PKNOX2: variants seen among roughly 807,000 people sequenced by gnomAD.
The protein encoded by PKNOX2 is homeobox protein PKNOX2.
In PKNOX2, 14 loss-of-function variants were observed where a neutral mutation model predicts 53.1. That is an observed-to-expected ratio of 0.26 (90% CI 0.17 to 0.41). The LOEUF (loss-of-function observed/expected upper bound fraction) is 0.41. Ranked by LOEUF, PKNOX2 falls within the 10% of genes least tolerant of loss-of-function variation. PKNOX2 has a pLI of 1.00. For synonymous variants in PKNOX2, 257 were observed against 242.8 expected (o/e 1.06, Z -0.54); for missense variants, 496 against 602.8 (o/e 0.82, Z 1.85).
intron 2 of PKNOX2, among the ~76,000 whole-genome samples, chr11:125,286,960 A>G (rs1946945668): frequency 6.6e-6 from 1 of 152,182 alleles, no homozygotes; most frequent in South Asian, 2.1e-4. Context: ...CCTTTCACCC[A>G]GGAAAACATG....
intron 2 of PKNOX2, among the ~76,000 whole-genome samples, chr11:125,286,180 GA>G (rs1020710942): frequency 6.6e-6 from 1 of 152,034 alleles, no homozygotes. Flanking sequence ...AAAGGAATGG[GA>G]AAAAAACAGA....
rs1205848129 is a variant in PKNOX2 at position 125,202,061 on chromosome 11, G to T, written c.-200-32984G>T. ...CTTAAAGAAAACACAGAGGGTCCGT[G>T]CGGCTGGGACTCCCAACAAGACGGC... On this transcript the variant is annotated intron_variant, in intron 1 of 12. Transcript: ENST00000298282. 3.3e-5 allele frequency among the ~76,000 whole-genome samples: 5 copies of T among 152,216 alleles called. No homozygotes were observed. The East Asian group carries it at 5.8e-4, about 18-fold the overall frequency.
intron 10 of PKNOX2, among the ~76,000 whole-genome samples, chr11:125,424,538 T>C (rs1334142221): frequency 1.3e-5 from 2 of 152,000 alleles, no homozygotes; most frequent in Non-Finnish European, 2.9e-5. Context: ...GCCCCACAGC[T>C]GTCAAGAGGG....
intron 2 of PKNOX2, among the ~76,000 whole-genome samples, chr11:125,279,913 G>T (rs1463569118): frequency 1.3e-5 from 2 of 152,066 alleles, no homozygotes; most frequent in African/African-American, 2.4e-5. Context: ...CTTCTGAAAA[G>T]GTCACCTGCA....
At chr11:125,313,142 G>A (rs1413251622) in intron 2 of PKNOX2, among the ~76,000 whole-genome samples, 3 of 152,132 alleles carry the variant, frequency 2.0e-5, no homozygotes, top group Non-Finnish European at 4.4e-5. Flanking sequence ...AAAGTAGAAG[G>A]TGAAAGAAGG....
chr11:125,295,072 G>C (rs1947560048), intron 2 of PKNOX2, among the ~76,000 whole-genome samples: 1 of 152,192 alleles, frequency 6.6e-6, no homozygotes, highest in Non-Finnish European at 1.5e-5. Flanking sequence ...AGTGAAGCTA[G>C]AGGCGGGTCC....
intron 2 of PKNOX2, among the ~76,000 whole-genome samples, chr11:125,258,145 C>T (rs982097429): frequency 6.6e-6 from 1 of 152,172 alleles, no homozygotes; most frequent in Non-Finnish European, 1.5e-5. Context: ...CCGCCACACC[C>T]ACCCCAGCAC....
At chr11:125,335,326 C>G (rs186942462) in intron 3 of PKNOX2, among the ~76,000 whole-genome samples, 3 of 152,312 alleles carry the variant, frequency 2.0e-5, no homozygotes, top group South Asian at 2.1e-4. Context: ...TCACAAAGCC[C>G]AGTTCTGTCT....
chr11:125,384,515 C>G (rs1953486853), intron 5 of PKNOX2, among the ~76,000 whole-genome samples: 2 of 152,138 alleles, frequency 1.3e-5, no homozygotes, highest in Admixed American at 6.5e-5. Flanking sequence ...GAAACCCCAT[C>G]TCTACTAAAA....
intron 2 of PKNOX2, among the ~76,000 whole-genome samples, chr11:125,308,279 C>T (rs1948590527): frequency 6.6e-6 from 1 of 152,158 alleles, no homozygotes; most frequent in South Asian, 2.1e-4. Context: ...TGGGCCTGGC[C>T]AGCCTCAGCA....
intron 2 of PKNOX2, among the ~76,000 whole-genome samples, chr11:125,315,406 G>C (rs78482504): frequency 0.029 from 4,420 of 151,236 alleles, 159 homozygotes; most frequent in East Asian, 0.18. Context: ...CCTCCTGCCC[G>C]AGGCCCAGCC....
chr11:125,184,176 A>G (rs1009322725), intron 1 of PKNOX2: 1 of 152,296 alleles, frequency 6.6e-6, no homozygotes, highest in Non-Finnish European at 1.5e-5. Flanking sequence ...GTTACAGGAC[A>G]GAGAAGACTC....
chr11:125,353,360 T>C (rs890464018), intron 4 of PKNOX2, among the ~76,000 whole-genome samples: 4 of 152,140 alleles, frequency 2.6e-5, no homozygotes, highest in East Asian at 1.9e-4. Context: ...GGAGAAGTTT[T>C]GGTTTGGCGG....
intron 2 of PKNOX2, among the ~76,000 whole-genome samples, chr11:125,259,905 C>T (rs1178321512): frequency 6.6e-6 from 1 of 151,482 alleles, no homozygotes; most frequent in Non-Finnish European, 1.5e-5. Flanking sequence ...GAGACAGGGC[C>T]TTGCTCTGTT....
chr11:125,212,584 C>A (rs921628278), intron 1 of PKNOX2, among the ~76,000 whole-genome samples: 1 of 150,938 alleles, frequency 6.6e-6, no homozygotes, highest in Non-Finnish European at 1.5e-5. Flanking sequence ...TCTTAAAGAG[C>A]CTGTCAGAGC....
At chr11:125,177,969 G>A (rs1389602625) in intron 1 of PKNOX2, among the ~76,000 whole-genome samples, 1 of 152,158 alleles carries the variant, frequency 6.6e-6, no homozygotes, top group African/African-American at 2.4e-5. Context: ...GAGAGAGGGA[G>A]GAAATGAACA....
intron 2 of PKNOX2, among the ~76,000 whole-genome samples, chr11:125,253,088 G>T (rs747421948): frequency 2.6e-5 from 4 of 152,190 alleles, no homozygotes; most frequent in Admixed American, 2.6e-4. Flanking sequence ...TGGAAGTGAA[G>T]AATTTAAGTA....
intron 1 of PKNOX2, among the ~76,000 whole-genome samples, chr11:125,194,084 C>T (rs1306753435): frequency 6.6e-6 from 1 of 152,202 alleles, no homozygotes; most frequent in Non-Finnish European, 1.5e-5. Flanking sequence ...AACGTGATGT[C>T]TTTGGGCTTT....
At chr11:125,317,051 C>T (rs570235565) in intron 2 of PKNOX2, among the ~76,000 whole-genome samples, 4 of 152,166 alleles carry the variant, frequency 2.6e-5, no homozygotes, top group East Asian at 3.8e-4. Context: ...GTATCTTCAC[C>T]AGGAGGAGAT....
Sources: gnomAD v4.1 joint callset for allele counts (sites outside exome capture counted in the v4.1 genomes callset) on GRCh38, gnomAD v4.1.1 for gene constraint, MANE v1.5 for transcripts, NCBI Gene and HGNC (gene_info 2026-07-23, HGNC 2026-07-21) for gene names.